The following PDGFC variants were observed in gnomAD, a reference collection of about 807,000 sequenced individuals.
PDGFC encodes platelet-derived growth factor C.
Under a neutral mutation model 35.5 loss-of-function variants are expected in PDGFC, and 12 were observed. The observed-to-expected ratio is 0.34, with a 90% CI of 0.22 to 0.55. The LOEUF (loss-of-function observed/expected upper bound fraction) is 0.55. PDGFC is among the 20% of genes least tolerant of loss of function. PDGFC has a pLI of 0.91. For synonymous variants in PDGFC, 159 were observed against 148.8 expected (o/e 1.07, Z -0.50); for missense variants, 322 against 412.4 (o/e 0.78, Z 1.90).
chr4:156,782,681 C>A (rs531958465), intron 3 of PDGFC, among the ~76,000 whole-genome samples: 1 of 152,128 alleles, frequency 6.6e-6, no homozygotes, highest in Non-Finnish European at 1.5e-5. Context: ...TTGTGTCTCA[C>A]GGTCAGAATT....
At chr4:156,951,835 A>G (rs975872112) in intron 1 of PDGFC, among the ~76,000 whole-genome samples, 1 of 151,728 alleles carries the variant, frequency 6.6e-6, no homozygotes, top group Non-Finnish European at 1.5e-5. Context: ...TCAGCCTCCA[A>G]TATGCTCCAC....
At chr4:156,782,420 A>C (rs1301328895) in intron 3 of PDGFC, among the ~76,000 whole-genome samples, 4 of 152,226 alleles carry the variant, frequency 2.6e-5, no homozygotes, top group Non-Finnish European at 5.9e-5. Context: ...ACATTAAAAG[A>C]AACTTCTGTA....
chr4:156,944,554 C>T (rs573123254), intron 1 of PDGFC, among the ~76,000 whole-genome samples: 6 of 152,196 alleles, frequency 3.9e-5, no homozygotes, highest in African/African-American at 7.2e-5. Flanking sequence ...ACTGTTAGCA[C>T]GCTAGGGCAA....
chr4:156,805,957 C>A (rs1190570004), intron 3 of PDGFC, among the ~76,000 whole-genome samples: 1 of 151,934 alleles, frequency 6.6e-6, no homozygotes, highest in East Asian at 1.9e-4. Context: ...CTGGCCAGTA[C>A]GCCGTCTGAA....
rs544804104 is a variant in PDGFC, at chr4:156,882,163, G to A, written c.119-31747C>T. ...AAGTATCCTGCTATTTCATTATTCC[G>A]CAACTAAAACAATACATTGTTAAGA... On this transcript the variant is annotated intron_variant, in intron 1 of 5. Coordinates refer to ENST00000502773, the MANE Select transcript of PDGFC (RefSeq NM_016205.3). Among the ~76,000 whole-genome samples, 156 of 152,054 alleles carry A rather than the reference G, an allele frequency of 1.0e-3. 1 individual carries two copies. Among genetic ancestry groups the A allele is most frequent in the African/African-American group, 3.6e-3 (148 of 41,462 alleles).
chr4:156,821,938 G>T (rs1482500071), intron 2 of PDGFC, among the ~76,000 whole-genome samples: 1 of 152,100 alleles, frequency 6.6e-6, no homozygotes, highest in Non-Finnish European at 1.5e-5. Flanking sequence ...TTCCAAAACT[G>T]CTGGCTTTTA....
chr4:156,808,130 T>C (rs1319156370), intron 3 of PDGFC, among the ~76,000 whole-genome samples: 1 of 152,014 alleles, frequency 6.6e-6, no homozygotes, highest in Non-Finnish European at 1.5e-5. Flanking sequence ...GAATTATCTC[T>C]GTTGTGTGAG....
At chr4:156,812,540 AT>A (rs1328517044) in intron 2 of PDGFC, among the ~76,000 whole-genome samples, 4 of 152,094 alleles carry the variant, frequency 2.6e-5, no homozygotes, top group Non-Finnish European at 5.9e-5. Flanking sequence ...TTTTTTCAAA[AT>A]TTTAAATTCA....
At chr4:156,847,409 G>T (rs1027117777) in intron 2 of PDGFC, among the ~76,000 whole-genome samples, 11 of 151,654 alleles carry the variant, frequency 7.3e-5, no homozygotes, top group African/African-American at 2.7e-4. Flanking sequence ...TCTAAACTGG[G>T]GGGACATTCT....
chr4:156,874,346 T>C (rs1163426870), intron 1 of PDGFC, among the ~76,000 whole-genome samples: 1 of 152,204 alleles, frequency 6.6e-6, no homozygotes, highest in Non-Finnish European at 1.5e-5. Context: ...AGCTCTGTAA[T>C]ATTTATTTGA....
intron 2 of PDGFC, among the ~76,000 whole-genome samples, chr4:156,838,146 A>G (rs1729108989): frequency 6.6e-6 from 1 of 152,238 alleles, no homozygotes; most frequent in Non-Finnish European, 1.5e-5. Context: ...TAGTAAAAAC[A>G]GTAACTAAAT....
At chr4:156,785,982 C>T (rs1731113657) in intron 3 of PDGFC, among the ~76,000 whole-genome samples, 1 of 152,144 alleles carries the variant, frequency 6.6e-6, no homozygotes, top group Admixed American at 6.5e-5. Context: ...GCTCTGAAAT[C>T]ATCTTTATTT....
chr4:156,855,046 G>C (rs1729541137), intron 1 of PDGFC, among the ~76,000 whole-genome samples: 1 of 151,998 alleles, frequency 6.6e-6, no homozygotes, highest in Admixed American at 6.6e-5. Flanking sequence ...AAAAGGAAAA[G>C]AAGAGAGACT....
At chr4:156,867,878 T>C (rs1051349410) in intron 1 of PDGFC, among the ~76,000 whole-genome samples, 1 of 152,072 alleles carries the variant, frequency 6.6e-6, no homozygotes, top group African/African-American at 2.4e-5. Context: ...ACCAAATCAA[T>C]TTTTTGTTTG....
At chr4:156,884,343 G>T (rs1308765456) in intron 1 of PDGFC, among the ~76,000 whole-genome samples, 2 of 152,178 alleles carry the variant, frequency 1.3e-5, no homozygotes, top group African/African-American at 4.8e-5. Context: ...GAAAGACTTT[G>T]TTATGGGTTG....
At chr4:156,817,329 A>T (rs1454592766) in intron 2 of PDGFC, among the ~76,000 whole-genome samples, 1 of 152,206 alleles carries the variant, frequency 6.6e-6, no homozygotes, top group Admixed American at 6.5e-5. Flanking sequence ...ACAAGGGGTT[A>T]GAGAGAGAAT....
chr4:156,805,840 T>G (rs550614327), intron 3 of PDGFC, among the ~76,000 whole-genome samples: 1 of 152,036 alleles, frequency 6.6e-6, no homozygotes, highest in African/African-American at 2.4e-5. Context: ...CCTGCATAAT[T>G]AATAACCACT....
rs112675045 is a variant in PDGFC at position 156,892,595 on chromosome 4, G to T, written c.119-42179C>A. ...AAAAAAAGGATATAAAAATCCCAAA[G>T]GATTATTATGGTGGGAAAAGTTAGA... On this transcript the variant is annotated intron_variant, in intron 1 of 5. Coordinates refer to ENST00000502773, the MANE Select transcript of PDGFC (RefSeq NM_016205.3). 1.9e-3 allele frequency among the ~76,000 whole-genome samples: 281 copies of T among 151,682 alleles called. 1 individual carries two copies. The highest frequency in any genetic ancestry group is 6.5e-3 in the African/African-American group (269 of 41,370).
intron 3 of PDGFC, among the ~76,000 whole-genome samples, chr4:156,804,556 C>A (rs1731705757): frequency 6.6e-6 from 1 of 151,806 alleles, no homozygotes; most frequent in African/African-American, 2.4e-5. Flanking sequence ...AAAATCTTTC[C>A]AAACCACTCA....
Sources: gnomAD v4.1 joint callset for allele counts (sites outside exome capture counted in the v4.1 genomes callset) on GRCh38, gnomAD v4.1.1 for gene constraint, MANE v1.5 for transcripts, NCBI Gene and HGNC (gene_info 2026-07-23, HGNC 2026-07-21) for gene names.